The following PDE4DIP variants were observed in gnomAD, a reference collection of about 807,000 sequenced individuals.
PDE4DIP encodes the protein phosphodiesterase 4D interacting protein, also known as myomegalin.
Under a neutral mutation model 221.4 loss-of-function variants are expected in PDE4DIP, and 59 were observed. The ratio of observed to expected loss-of-function variants is 0.27; its 90% CI spans 0.22 to 0.33. PDE4DIP has a LOEUF of 0.33. Ranked by LOEUF, PDE4DIP falls within the 10% of genes least tolerant of loss-of-function variation. The pLI is 1.00. For synonymous variants in PDE4DIP, 404 were observed against 815.9 expected, an observed-to-expected ratio of 0.50 and a Z score of 8.60; for missense variants, 1,036 against 2,154.2, an observed-to-expected ratio of 0.48 and a Z score of 10.28.
At chr1:149,028,825 C>G in intron 41 of PDE4DIP, 122 bp downstream of exon 44, 1 of 645,224 alleles carries the variant, frequency 1.5e-6, no homozygotes, top group Non-Finnish European at 2.7e-6. Context: ...TTGGGATAGA[C>G]AGGAACTTAG....
intron 14 of PDE4DIP, among the ~76,000 whole-genome samples, chr1:148,971,613 C>G (rs1574609213): frequency 6.6e-6 from 1 of 151,680 alleles, no homozygotes; most frequent in Admixed American, 6.6e-5. Context: ...ACTCTCTTAG[C>G]AAATTTCAAG....
exon 23 of PDE4DIP, chr1:148,998,267 G>A (rs782670958): frequency 6.2e-7 from 1 of 1,612,976 alleles, no homozygotes; most frequent in Admixed American, 1.7e-5. Context: ...CTCCACCTGA[G>A]GGCTGAGTTC....
exon 44 of PDE4DIP, chr1:149,032,319 A>G (rs2076943475): frequency 6.9e-6 from 4 of 581,894 alleles, no homozygotes; most frequent in Middle Eastern, 4.5e-4. Flanking sequence ...TAGCAAGAGC[A>G]CATTTCTTGC....
intron 16 of PDE4DIP, among the ~76,000 whole-genome samples, chr1:148,973,710 A>C (rs1336239945): frequency 6.6e-6 from 1 of 151,988 alleles, no homozygotes; most frequent in Non-Finnish European, 1.5e-5. Context: ...TAAATGTATT[A>C]AGTAATGTTT....
At chr1:148,941,326 A>G (rs1394871959) in intron 5 of PDE4DIP, among the ~76,000 whole-genome samples, 51 of 45,114 alleles carry the variant, frequency 1.1e-3, no homozygotes, top group Non-Finnish European at 1.9e-3. Flanking sequence ...AAACGGAGCA[A>G]TATATACAGT....
chr1:148,929,621 G>T, intron 2 of PDE4DIP: 2 of 229,806 alleles, frequency 8.7e-6, no homozygotes, highest in South Asian at 1.3e-4. Flanking sequence ...ATAACATCAA[G>T]AGCTGAGATA....
intron 5 of PDE4DIP, among the ~76,000 whole-genome samples, chr1:148,938,760 A>G (rs1378266405): frequency 6.6e-6 from 1 of 151,404 alleles, no homozygotes; most frequent in African/African-American, 2.4e-5. Flanking sequence ...GTACAAGTGT[A>G]TCAGATAATG....
At chr1:148,941,965 C>T (rs1553480179) in intron 5 of PDE4DIP, 1 of 152,234 alleles carries the variant, frequency 6.6e-6, no homozygotes, top group African/African-American at 2.4e-5. Flanking sequence ...CCCTGGAATC[C>T]CTCACTGATT....
chr1:148,952,210 T>G, intron 5 of PDE4DIP: 1 of 1,031,526 alleles, frequency 9.7e-7, no homozygotes, highest in Non-Finnish European at 1.2e-6. Context: ...TAGTGCTTTC[T>G]GCTCCGCACT....
chr1:148,915,251 G>A (rs1220123313), intron 1 of PDE4DIP, among the ~76,000 whole-genome samples: 7 of 152,116 alleles, frequency 4.6e-5, no homozygotes, highest in South Asian at 2.1e-4. Context: ...GGGTTCAAGC[G>A]ATCCTCCTGC....
At chr1:149,010,309 T>C (rs2068213877) in intron 30 of PDE4DIP, 134 bp from the exon 34 acceptor site, 1 of 658,590 alleles carries the variant, frequency 1.5e-6, no homozygotes. Context: ...AAATGAACAC[T>C]GCTAACAGTG....
At chr1:148,815,929 G>T (rs1397403373) in intron 1 of PDE4DIP, among the ~76,000 whole-genome samples, 2 of 64,458 alleles carry the variant, frequency 3.1e-5, no homozygotes, top group African/African-American at 1.5e-4. Flanking sequence ...GTACTTTTTT[G>T]TGTGTGAGAT....
chr1:149,016,863 A>G (rs2070771248), intron 33 of PDE4DIP, among the ~76,000 whole-genome samples: 1 of 152,300 alleles, frequency 6.6e-6, no homozygotes, highest in Admixed American at 6.5e-5. Context: ...CCAGAATGCC[A>G]GGCATAGATG....
chr1:148,970,417 A>T (rs1453482647), intron 14 of PDE4DIP, among the ~76,000 whole-genome samples: 2 of 152,172 alleles, frequency 1.3e-5, no homozygotes, highest in Non-Finnish European at 2.9e-5. Context: ...CCTCAGAAAA[A>T]AAATTATGCA....
At chr1:148,967,523 A>G (rs1238106753) in intron 12 of PDE4DIP, among the ~76,000 whole-genome samples, 2 of 152,262 alleles carry the variant, frequency 1.3e-5, no homozygotes, top group African/African-American at 4.8e-5. Context: ...CATATATTCT[A>G]TATTTAATCT....
At chr1:148,940,313 T>C (rs2050230467) in intron 5 of PDE4DIP, among the ~76,000 whole-genome samples, 1 of 151,000 alleles carries the variant, frequency 6.6e-6, no homozygotes, top group Admixed American at 6.6e-5. Context: ...GCATGACCAT[T>C]GGGCAGAAGA....
chr1:149,013,781 C>CTT (rs71582768), intron 32 of PDE4DIP, among the ~76,000 whole-genome samples: 4,034 of 31,902 alleles, frequency 0.13, 1,109 homozygotes, highest in African/African-American at 0.29. Context: ...CCTTCTTCCT[C>CTT]TTTTTTTTTT....
intron 14 of PDE4DIP, among the ~76,000 whole-genome samples, chr1:148,970,022 T>C (rs1231785302): frequency 1.3e-5 from 2 of 152,280 alleles, no homozygotes; most frequent in African/African-American, 2.4e-5. Flanking sequence ...AAAGTGTTAA[T>C]TTTTCCTCAT....
chr1:148,968,255 C>A, intron 13 of PDE4DIP, among the ~76,000 whole-genome samples: 1 of 152,196 alleles, frequency 6.6e-6, no homozygotes, highest in African/African-American at 2.4e-5. Context: ...GAGGTACTTT[C>A]TATTATTCCT....
Sources: allele counts gnomAD v4.1 joint callset (sites outside exome capture counted in the v4.1 genomes callset), GRCh38; gene constraint gnomAD v4.1.1; transcripts MANE v1.5; gene names NCBI Gene and HGNC (gene_info 2026-07-23, HGNC 2026-07-21).